USP9X: variants seen among roughly 807,000 people sequenced by gnomAD.
USP9X encodes the protein ubiquitin specific peptidase 9 X-linked.
USP9X carries 7 observed loss-of-function variants against 190.3 expected under a neutral mutation model. The observed-to-expected ratio is 0.04, with a 90% confidence interval of 0.02 to 0.07. The LOEUF (loss-of-function observed/expected upper bound fraction) is 0.07. Among genes scored for constraint, USP9X ranks in the 10% least tolerant of loss-of-function variants. The pLI is 1.00. For missense variants in USP9X, 1,010 were observed against 1,916.9 expected (o/e 0.53, Z 8.83); for synonymous variants, 645 against 659.5 (o/e 0.98, Z 0.34).
chrX:41,107,944 C>T (rs747772827), intron 1 of USP9X, among the ~76,000 whole-genome samples: 78 of 112,233 alleles, frequency 6.9e-4, no homozygotes, highest in South Asian at 5.4e-3. Flanking sequence ...AGCATAAGAG[C>T]TGTTTTTGAG....
Position 41,162,906 on chromosome X carries a change from C to T in USP9X, c.1985+29C>T, listed in dbSNP as rs754808889. On this transcript the variant is annotated intron_variant, in intron 15 of 44. Transcript: ENST00000378308. ...TGTTTTATACAGTTAGTGTTGCTCTCTTTAAGAAAAAGATAAGGAATACAG... is the reference window on the plus strand; with the variant it reads ...TGTTTTATACAGTTAGTGTTGCTCTTTTTAAGAAAAAGATAAGGAATACAG... The T allele has an allele frequency of 1.3e-5, 15 of 1,130,045 alleles. No individual in the cohort carries two copies. In the East Asian group the frequency reaches 4.6e-4, roughly 34 times the overall value. The allele number at this position is 1,130,045 out of a possible 1,213,427, so 93.1% of individuals were successfully genotyped here. A position where few individuals can be genotyped will look rare whatever the true frequency, so the allele number is the denominator to read the frequency against.
intron 1 of USP9X, among the ~76,000 whole-genome samples, chrX:41,092,301 T>C (rs775868903): frequency 5.4e-5 from 6 of 111,977 alleles, no homozygotes; most frequent in Admixed American, 1.9e-4. Context: ...TTGAGAGTTA[T>C]AAGTTGAGGC....
At position 41,219,044 on chromosome X, in the gene USP9X, A is replaced by G; in HGVS notation, c.6436-58A>G. The G allele has an allele frequency of 4.4e-6, 5 of 1,127,528 alleles. No homozygotes were observed. In the South Asian group the frequency reaches 8.6e-5, roughly 19 times the overall value. The allele number at this position is 1,127,528 out of a possible 1,213,427, so 92.9% of individuals were successfully genotyped here. A position where few individuals can be genotyped will look rare whatever the true frequency, so the allele number is the denominator to read the frequency against. On this transcript the variant is annotated intron_variant, in intron 37 of 44. Coordinates refer to ENST00000378308, the MANE Select transcript of USP9X (RefSeq NM_001039591.3). ...CATATGTGCATGTCCTTTTTATGCA[A>G]GTAGAAGTATACATATACCTTGTTG...
chrX:41,211,048 G>A (rs1335114662), intron 33 of USP9X, among the ~76,000 whole-genome samples: 1 of 109,368 alleles, frequency 9.1e-6, no homozygotes, highest in African/African-American at 3.3e-5. Context: ...CTGGAGTTCA[G>A]TGGCATGGTC....
At chrX:41,087,985 A>ATTAT (rs1454469308) in intron 1 of USP9X, among the ~76,000 whole-genome samples, 1 of 111,372 alleles carries the variant, frequency 9.0e-6, no homozygotes, top group Admixed American at 9.5e-5. Context: ...CATAGTCCAT[A>ATTAT]GTTCTCATGG....
At chrX:41,135,967 T>G (rs2062369439) in intron 5 of USP9X, among the ~76,000 whole-genome samples, 1 of 111,090 alleles carries the variant, frequency 9.0e-6, no homozygotes, top group Non-Finnish European at 1.9e-5. Context: ...GGTCATAAGT[T>G]GTCAAGCAGA....
Position 41,216,127 on chromosome X carries a change from G to A in USP9X, c.5560G>A (p.Glu1854Lys). The A allele has an allele frequency of 8.3e-7, 1 of 1,211,891 alleles. No homozygotes were observed. Among genetic ancestry groups the A allele is most frequent in the South Asian group, 1.8e-5 (1 of 57,005 alleles). The change falls in exon 35 of 45, where the codon GAA becomes AAA. Residue 1854 changes from glutamate to lysine, a missense_variant. Around this residue, in one of 11 missense-constraint regions of USP9X, gnomAD observed 120 missense variants for 342.7 expected, o/e 0.35. Coordinates refer to ENST00000378308, the MANE Select transcript of USP9X (RefSeq NM_001039591.3). ...GTTGATACAACAGAGTGAGCAGTCT[G>A]AAAGTGAGACAGCAGGAAGCACAAA... ...SQLIQQSEQS[E>K]SETAGSTKYR...
At chrX:41,097,092 G>A (rs1485515514) in intron 1 of USP9X, among the ~76,000 whole-genome samples, 1 of 111,597 alleles carries the variant, frequency 9.0e-6, no homozygotes, top group Non-Finnish European at 1.9e-5. Context: ...GGTTAATTGT[G>A]CTTGGCCCAC....
At chrX:41,094,563 G>C (rs780688938) in intron 1 of USP9X, among the ~76,000 whole-genome samples, 1 of 111,236 alleles carries the variant, frequency 9.0e-6, no homozygotes, top group South Asian at 3.8e-4. Flanking sequence ...GTGCATTATG[G>C]GAAGGAGAAT....
intron 41 of USP9X, 57 bp from the exon 42 acceptor site, chrX:41,229,196 G>T (rs1602059033): frequency 2.0e-6 from 2 of 982,425 alleles, no homozygotes; most frequent in East Asian, 6.7e-5. Flanking sequence ...TAGGCACTCA[G>T]TATATATTAG....
intron 38 of USP9X, among the ~76,000 whole-genome samples, chrX:41,221,450 C>T (rs2063263494): frequency 2.7e-5 from 3 of 110,967 alleles, no homozygotes; most frequent in African/African-American, 3.3e-5. Flanking sequence ...AAGTGCATCA[C>T]GGGGGGCATG....
intron 1 of USP9X, among the ~76,000 whole-genome samples, chrX:41,087,774 A>G (rs1270374965): frequency 1.8e-5 from 2 of 112,022 alleles, no homozygotes; most frequent in South Asian, 3.7e-4. Flanking sequence ...ATTTTTTTGC[A>G]TGAACATGTA....
intron 26 of USP9X, among the ~76,000 whole-genome samples, chrX:41,191,824 G>T (rs2062937920): frequency 8.9e-6 from 1 of 112,155 alleles, no homozygotes; most frequent in Admixed American, 9.5e-5. Context: ...TTTCTACCTG[G>T]AAGGAGCAAA....
intron 6 of USP9X, among the ~76,000 whole-genome samples, 169 bp from the exon 7 acceptor site, chrX:41,140,487 T>C (rs931040405): frequency 5.3e-5 from 6 of 112,281 alleles, no homozygotes; most frequent in Non-Finnish European, 1.9e-5. Context: ...ATACTGCTTC[T>C]GTCTCACAGA....
intron 1 of USP9X, among the ~76,000 whole-genome samples, chrX:41,087,896 C>G (rs890715647): frequency 8.9e-6 from 1 of 112,301 alleles, no homozygotes; most frequent in Non-Finnish European, 1.9e-5. Context: ...ATGTGAGAAT[C>G]TTAAGTTACT....
intron 4 of USP9X, among the ~76,000 whole-genome samples, chrX:41,134,502 G>A (rs776745881): frequency 1.3e-4 from 15 of 112,551 alleles, no homozygotes; most frequent in Admixed American, 9.4e-4. Flanking sequence ...GCCTCTTCTT[G>A]TGGTGCTGCT....
intron 1 of USP9X, among the ~76,000 whole-genome samples, chrX:41,106,718 A>T (rs1233411986): frequency 9.4e-6 from 1 of 106,638 alleles, no homozygotes; most frequent in Non-Finnish European, 1.9e-5. Context: ...TTTAGTAGAG[A>T]TGGGGTTTTG....
rs971250641 is a variant in USP9X at position 41,184,817 on chromosome X, G to A, written c.3558+142G>A. ...TTCAGAGGTTTTCTTTATGATGTTT[G>A]TATTAAAAGTGCAAATACTTTTCGC... is the stretch of plus-strand genomic sequence containing the variant. On this transcript the variant is annotated intron_variant, in intron 23 of 44. Transcript: ENST00000378308. 3 of 506,587 alleles carry A rather than the reference G, an allele frequency of 5.9e-6. No individual in the cohort carries two copies. The South Asian group carries it at 1.4e-4, about 23-fold the overall frequency. The allele number at this position is 506,587 out of a possible 1,213,427, so 41.7% of individuals were successfully genotyped here.
chrX:41,189,091 C>T (rs1170798331), intron 25 of USP9X, among the ~76,000 whole-genome samples: 1 of 111,956 alleles, frequency 8.9e-6, no homozygotes, highest in Non-Finnish European at 1.9e-5. Flanking sequence ...CTTCAGCCCT[C>T]CTGAAGACAT....
Sources: allele counts gnomAD v4.1 joint callset (sites outside exome capture counted in the v4.1 genomes callset), GRCh38; gene constraint gnomAD v4.1.1; regional missense constraint gnomAD v4.1.1; transcripts MANE v1.5; gene names NCBI Gene and HGNC (gene_info 2026-07-23, HGNC 2026-07-21).